MTCL1: variants seen among roughly 807,000 people sequenced by gnomAD.
MTCL1 encodes microtubule cross-linking factor 1.
A neutral mutation model predicts 141.4 loss-of-function variants in MTCL1; 79 were observed. That is an observed-to-expected ratio of 0.56 (90% confidence interval 0.47 to 0.67). The LOEUF (loss-of-function observed/expected upper bound fraction) is 0.67, where lower values mean the gene tolerates loss of function less well. Ranked by LOEUF, MTCL1 falls within the 30% of genes least tolerant of loss-of-function variation. The pLI is 0.00. For missense variants in MTCL1, 2,177 were observed against 2,113.9 expected (o/e 1.03, Z -0.59); for synonymous variants, 914 against 875.8 (o/e 1.04, Z -0.77).
chr18:8,716,718 C>A (rs1014351424), upstream of MTCL1, among the ~76,000 whole-genome samples: 1 of 151,698 alleles, frequency 6.6e-6, no homozygotes, highest in African/African-American at 2.4e-5. Context: ...CGAGAATGGA[C>A]AATTAGGGTG....
chr18:8,762,705 G>A (rs192027877), intron 4 of MTCL1, among the ~76,000 whole-genome samples: 16 of 152,338 alleles, frequency 1.1e-4, no homozygotes, highest in African/African-American at 3.1e-4. Flanking sequence ...ATAGCTGAAA[G>A]GGAGGTACAA....
At chr18:8,715,020 TCTC>T (rs1408100185), upstream of MTCL1, among the ~76,000 whole-genome samples, 1 of 152,110 alleles carries the variant, frequency 6.6e-6, no homozygotes, top group African/African-American at 2.4e-5. Context: ...ATGGTCTTGA[TCTC>T]CTGACCTTGT....
At chr18:8,709,757 A>T (rs185868508) in intron 1 of MTCL1, among the ~76,000 whole-genome samples, 43 of 152,268 alleles carry the variant, frequency 2.8e-4, no homozygotes, top group African/African-American at 1.0e-3. Flanking sequence ...GTCCAGCAAA[A>T]CCTTAGGAGG....
Position 8,779,105 on chromosome 18 carries a change from C to T in MTCL1, c.417+1213C>T, listed in dbSNP as rs111722936. ...AACCCAAAGGAAGCTGGCGCCCCGGCGCAAGGTAGGCACGTGGGCAGTCAC... is the reference window on the plus strand; with the variant it reads ...AACCCAAAGGAAGCTGGCGCCCCGGTGCAAGGTAGGCACGTGGGCAGTCAC... On this transcript the variant is annotated intron_variant, in intron 5 of 16. Coordinates refer to ENST00000359865, the Ensembl canonical transcript of MTCL1. The surrounding 1 kb of genome is among the most constrained non-coding windows in gnomAD (Gnocchi z 4.1). Among the ~76,000 whole-genome samples, 6 of 152,344 alleles carry T rather than the reference C, an allele frequency of 3.9e-5. No individual in the cohort carries two copies. The highest frequency in any genetic ancestry group is 1.4e-4 in the African/African-American group (6 of 41,586).
chr18:8,768,855 G>C (rs965859489), intron 4 of MTCL1, among the ~76,000 whole-genome samples: 1 of 148,574 alleles, frequency 6.7e-6, no homozygotes, highest in East Asian at 2.0e-4. Context: ...GCAGTGGCGC[G>C]ATCTTGGCTC....
Position 8,830,164 on chromosome 18 carries a change from A to T in MTCL1, c.*18+1200A>T, listed in dbSNP as rs2077152302. ...GTCAAGCACTGTGGGCTGCAGTGAG[A>T]TGAGGACACAGGAGCACCTTGGGTT... On this transcript the variant is annotated intron_variant, in intron 16 of 16. Coordinates refer to ENST00000359865, the Ensembl canonical transcript of MTCL1. This position sits in a 1 kb window ranked among gnomAD's most constrained non-coding sequence, Gnocchi z 6.4. 3 of 985,354 alleles carry T rather than the reference A, an allele frequency of 3.0e-6. No individual in the cohort carries two copies. Among genetic ancestry groups the T allele is most frequent in the Non-Finnish European group, 2.4e-6 (2 of 829,986 alleles). 61.0% of individuals were successfully genotyped at this position (985,354 alleles called of 1,614,324 possible).
At chr18:8,811,519 T>TTATATATATATA (rs1555671020) in intron 11 of MTCL1, among the ~76,000 whole-genome samples, 6 of 149,546 alleles carry the variant, frequency 4.0e-5, no homozygotes, top group African/African-American at 1.5e-4. Flanking sequence ...TCATTAATCT[T>TTATATATATATA]TATATATATA....
At chr18:8,812,274 T>C (rs957202537) in intron 11 of MTCL1, among the ~76,000 whole-genome samples, 3 of 152,302 alleles carry the variant, frequency 2.0e-5, no homozygotes, top group East Asian at 3.9e-4. Context: ...CTGTTGGCAA[T>C]GGTTTTTTTT....
intron 9 of MTCL1, 152 bp downstream of exon 8, chr18:8,796,614 G>A (rs2075930790): frequency 2.5e-6 from 2 of 796,470 alleles, no homozygotes; most frequent in Non-Finnish European, 2.0e-6. Context: ...AAGATGTAGA[G>A]CAATTCATAC....
At chr18:8,745,367 A>C (rs2096330620) in intron 4 of MTCL1, among the ~76,000 whole-genome samples, 1 of 152,136 alleles carries the variant, frequency 6.6e-6, no homozygotes, top group Non-Finnish European at 1.5e-5. Flanking sequence ...CTTATTTTTG[A>C]ATAAACCAAG....
intron 7 of MTCL1, chr18:8,789,834 C>A: frequency 2.3e-6 from 1 of 443,538 alleles, no homozygotes; most frequent in Non-Finnish European, 3.0e-6. Context: ...AAACTTTTCT[C>A]CAAATGTATG....
chr18:8,791,577 T>A (rs1197508744), intron 7 of MTCL1, among the ~76,000 whole-genome samples: 1 of 151,832 alleles, frequency 6.6e-6, no homozygotes, highest in Non-Finnish European at 1.5e-5. Flanking sequence ...ATGGACGCTA[T>A]CAGATAAGTG....
chr18:8,730,325 C>T (rs1360756741), intron 4 of MTCL1, among the ~76,000 whole-genome samples: 1 of 152,162 alleles, frequency 6.6e-6, no homozygotes, highest in Non-Finnish European at 1.5e-5. Context: ...CTCTACACAG[C>T]CCCGTCCTTA....
At chr18:8,831,902 T>G (rs2077203851) in exon 17 of MTCL1, 1 of 1,381,770 alleles carries the variant, frequency 7.2e-7, no homozygotes, top group Admixed American at 2.1e-5. Context: ...TCTAGTTTTC[T>G]CAAGGTCAAA....
chr18:8,829,959 C>CTGCT (rs2077145031), intron 16 of MTCL1: 1 of 985,400 alleles, frequency 1.0e-6, no homozygotes, highest in African/African-American at 1.7e-5. Context: ...CATAAAAAGC[C>CTGCT]TGCTCTTCAG....
intron 11 of MTCL1, chr18:8,809,609 G>A (rs751035780): frequency 1.3e-6 from 2 of 1,534,538 alleles, no homozygotes; most frequent in South Asian, 1.2e-5. Context: ...GAGAAGGAGT[G>A]GAGGGCACAC....
chr18:8,801,097 T>TA (rs2076105583), intron 10 of MTCL1, among the ~76,000 whole-genome samples: 2 of 152,168 alleles, frequency 1.3e-5, no homozygotes, highest in African/African-American at 4.8e-5. Flanking sequence ...TGTGCTGCGT[T>TA]AGGGCCTTCG....
chr18:8,775,273 A>C lies in MTCL1; in HGVS notation c.358-2560A>C, dbSNP rs114875272. Among the ~76,000 whole-genome samples, 1,281 of 152,130 alleles carry C rather than the reference A, an allele frequency of 8.4e-3. 15 individuals carry two copies. Among genetic ancestry groups the C allele is most frequent in the African/African-American group, 0.029 (1,206 of 41,500 alleles). On this transcript the variant is annotated intron_variant, in intron 4 of 16. Coordinates refer to ENST00000359865, the Ensembl canonical transcript of MTCL1. ...GGATTTATCTCACTCAGCTCATTCAAATAAAAGAAACTTCTGGCCGGGCAC... is the reference window on the plus strand; with the variant it reads ...GGATTTATCTCACTCAGCTCATTCACATAAAAGAAACTTCTGGCCGGGCAC...
intron 4 of MTCL1, among the ~76,000 whole-genome samples, chr18:8,725,868 C>T (rs2096206789): frequency 7.0e-6 from 1 of 143,454 alleles, no homozygotes; most frequent in Non-Finnish European, 1.5e-5. Flanking sequence ...CGGCTCACTG[C>T]AAGCTCTGCC....
Sources: gnomAD v4.1 joint callset for allele counts (sites outside exome capture counted in the v4.1 genomes callset) on GRCh38, gnomAD v4.1.1 for gene constraint, Gnocchi (gnomAD v3.1) non-coding constraint, MANE v1.5 for transcripts, NCBI Gene and HGNC (gene_info 2026-07-23, HGNC 2026-07-21) for gene names.